The following MARCHF1 variants were observed in gnomAD, a reference collection of about 807,000 sequenced individuals.
MARCHF1 encodes the protein E3 ubiquitin-protein ligase MARCHF1.
Under a neutral mutation model 54.2 loss-of-function variants are expected in MARCHF1, and 40 were observed. That is an observed-to-expected ratio of 0.74 (90% CI 0.57 to 0.96). MARCHF1 has a LOEUF of 0.96. Among genes scored for constraint, MARCHF1 ranks in the 40% least tolerant of loss-of-function variants. The pLI is 0.00. For missense variants in MARCHF1, 586 were observed against 656.5 expected (o/e 0.89, Z 1.17); for synonymous variants, 236 against 236.3 (o/e 1.00, Z 0.01).
At chr4:163,662,508 C>T (rs1053788856) in intron 5 of MARCHF1, among the ~76,000 whole-genome samples, 2 of 151,992 alleles carry the variant, frequency 1.3e-5, no homozygotes, top group Non-Finnish European at 1.5e-5. Flanking sequence ...TATCCAAGCA[C>T]ATTCCTTTCT....
intron 3 of MARCHF1, among the ~76,000 whole-genome samples, chr4:163,966,869 T>C (rs1579427896): frequency 6.6e-6 from 1 of 152,120 alleles, no homozygotes; most frequent in Non-Finnish European, 1.5e-5. Flanking sequence ...GATTGTACGA[T>C]TGCAGACATG....
intron 3 of MARCHF1, among the ~76,000 whole-genome samples, chr4:163,902,097 G>A (rs1560811676): frequency 6.6e-6 from 1 of 152,082 alleles, no homozygotes. Context: ...ACAGGGATGG[G>A]GAGGGTAACA....
rs1579395316 is a variant in MARCHF1, at chr4:163,923,682, A to G, written c.-39+64819T>C. On this transcript the variant is annotated intron_variant, in intron 3 of 9. Coordinates refer to ENST00000514618, the MANE Select transcript of MARCHF1 (RefSeq NM_001394959.1). ...CAAAGATGGCAGTTGCATTTCTTATATTTCTAGGCTAAAGTGATTGTATTT... is the reference window on the plus strand; with the variant it reads ...CAAAGATGGCAGTTGCATTTCTTATGTTTCTAGGCTAAAGTGATTGTATTT... Among the ~76,000 whole-genome samples the G allele has an allele frequency of 2.6e-5, 4 of 151,768 alleles. No homozygotes were observed. In the South Asian group the frequency reaches 8.3e-4, roughly 31 times the overall value.
intron 2 of MARCHF1, among the ~76,000 whole-genome samples, chr4:164,047,437 G>A (rs1754266099): frequency 6.6e-6 from 1 of 152,116 alleles, no homozygotes; most frequent in South Asian, 2.1e-4. Context: ...AAATCCACAT[G>A]GACTTCTGAC....
At chr4:163,554,924 T>G (rs2110954239) in intron 8 of MARCHF1, among the ~76,000 whole-genome samples, 1 of 152,332 alleles carries the variant, frequency 6.6e-6, no homozygotes, top group African/African-American at 2.4e-5. Flanking sequence ...CCAAAATAAT[T>G]TTTCTTATAA....
rs559810149 is a variant in MARCHF1 at position 164,346,953 on chromosome 4, C to T, written c.-323+36917G>A. Among the ~76,000 whole-genome samples, 6 of 151,896 alleles carry T rather than the reference C, an allele frequency of 4.0e-5. No homozygotes were observed. In the South Asian group the frequency reaches 1.0e-3, roughly 26 times the overall value. ...TTTTAATTCTTTAATTTAGAAAACT[C>T]CCTGTTTTTTAAGACTCATATTTCC... On this transcript the variant is annotated intron_variant, in intron 1 of 9. Coordinates refer to ENST00000514618, the MANE Select transcript of MARCHF1 (RefSeq NM_001394959.1).
intron 1 of MARCHF1, among the ~76,000 whole-genome samples, chr4:164,265,514 TTTAA>T (rs1324147041): frequency 1.2e-3 from 150 of 127,434 alleles, no homozygotes; most frequent in Middle Eastern, 3.8e-3. Context: ...ACCACACACA[TTTAA>T]CCTGTATTTA....
intron 5 of MARCHF1, among the ~76,000 whole-genome samples, chr4:163,673,874 C>T (rs944464457): frequency 6.6e-6 from 1 of 152,210 alleles, no homozygotes; most frequent in African/African-American, 2.4e-5. Context: ...TGATGATAAA[C>T]TAGCATGGGT....
intron 4 of MARCHF1, among the ~76,000 whole-genome samples, chr4:163,760,529 T>C (rs1200645656): frequency 6.6e-6 from 1 of 152,146 alleles, no homozygotes; most frequent in African/African-American, 2.4e-5. Context: ...GAAAGAGTTT[T>C]CCCTTTTTGG....
chr4:164,123,061 C>T (rs144552510), intron 1 of MARCHF1, among the ~76,000 whole-genome samples: 141 of 152,154 alleles, frequency 9.3e-4, no homozygotes, highest in African/African-American at 3.2e-3. Flanking sequence ...TTTGGGAAAA[C>T]CTTAAGACTC....
chr4:164,051,456 A>T (rs141360400), intron 2 of MARCHF1, among the ~76,000 whole-genome samples: 116 of 152,260 alleles, frequency 7.6e-4, no homozygotes, highest in African/African-American at 2.3e-3. Context: ...CCAAAATAGC[A>T]ACTGTGATTT....
intron 5 of MARCHF1, among the ~76,000 whole-genome samples, chr4:163,677,683 A>G (rs1232627617): frequency 6.6e-6 from 1 of 152,188 alleles, no homozygotes; most frequent in Non-Finnish European, 1.5e-5. Flanking sequence ...TTTTGTTTAT[A>G]TCTCTACTCA....
intron 1 of MARCHF1, among the ~76,000 whole-genome samples, chr4:164,376,351 T>C (rs1731192301): frequency 6.6e-6 from 1 of 152,230 alleles, no homozygotes; most frequent in Non-Finnish European, 1.5e-5. Flanking sequence ...CTCATTGTAA[T>C]GGATGTAGCT....
chr4:163,799,707 G>A (rs138280916), intron 4 of MARCHF1, among the ~76,000 whole-genome samples: 27 of 152,114 alleles, frequency 1.8e-4, no homozygotes, highest in African/African-American at 6.5e-4. Context: ...ATTCAATAAA[G>A]AAAAGTAATA....
intron 1 of MARCHF1, among the ~76,000 whole-genome samples, chr4:164,222,527 G>A (rs1173868845): frequency 6.6e-6 from 1 of 151,932 alleles, no homozygotes; most frequent in Non-Finnish European, 1.5e-5. Context: ...ATGCTAGCAA[G>A]ATACATCATT....
chr4:163,652,265 T>C (rs1742993846), intron 5 of MARCHF1, among the ~76,000 whole-genome samples: 1 of 151,862 alleles, frequency 6.6e-6, no homozygotes. Context: ...TTGTCTTCCC[T>C]AACTAAAACA....
At chr4:164,359,736 A>G (rs1730668376) in intron 1 of MARCHF1, among the ~76,000 whole-genome samples, 1 of 152,156 alleles carries the variant, frequency 6.6e-6, no homozygotes, top group Non-Finnish European at 1.5e-5. Flanking sequence ...ATGTCCTTAT[A>G]AATACTGACA....
At chr4:164,156,262 G>A (rs531520539) in intron 1 of MARCHF1, among the ~76,000 whole-genome samples, 6 of 152,214 alleles carry the variant, frequency 3.9e-5, no homozygotes, top group Admixed American at 2.6e-4. Flanking sequence ...GTGACAGCAT[G>A]TTTGTCTTAG....
rs975103778 is a variant in MARCHF1 at position 163,854,038 on chromosome 4, A to G, written c.94T>C (p.Ser32Pro). 1 of 1,536,810 alleles carries G rather than the reference A, an allele frequency of 6.5e-7. No individual in the cohort carries two copies. The highest frequency in any genetic ancestry group is 8.7e-7 in the Non-Finnish European group (1 of 1,146,628). ...CCACTCACCAATGTGGAGGTTTGTG[A>G]GGCGTCAGCCAAATCCCCTGAGATC... is the stretch of plus-strand genomic sequence containing the variant. ...PEISGDLADA[S>P]QTSTLNEKSP... Residue 32 changes from serine to proline, a missense_variant, in exon 4 of 10, where the codon TCA (serine) becomes CCA (proline). Physicochemically the swap from Ser to Pro is moderately conservative, Grantham distance 74. Coordinates refer to ENST00000514618, the MANE Select transcript of MARCHF1 (RefSeq NM_001394959.1).
Sources: gnomAD v4.1 joint callset for allele counts (sites outside exome capture counted in the v4.1 genomes callset) on GRCh38, gnomAD v4.1.1 for gene constraint, MANE v1.5 for transcripts, NCBI Gene and HGNC (gene_info 2026-07-23, HGNC 2026-07-21) for gene names.